The following MCM5 variants were observed in gnomAD, a reference collection of about 807,000 sequenced individuals.
The protein encoded by MCM5 is DNA replication licensing factor MCM5.
A neutral mutation model predicts 79.9 loss-of-function variants in MCM5; 46 were observed. The observed-to-expected ratio is 0.58, with a 90% confidence interval of 0.45 to 0.74. MCM5 has a LOEUF of 0.74. Among genes scored for constraint, MCM5 ranks in the 30% least tolerant of loss-of-function variants. The probability of loss-of-function intolerance (pLI) is 0.00; values close to 1 mark genes in which losing one functional copy is unlikely to be tolerated. For synonymous variants in MCM5, 404 were observed against 390.5 expected (o/e 1.03, Z -0.41); for missense variants, 883 against 1,017.0 (o/e 0.87, Z 1.79).
the MCM5 span, among the ~76,000 whole-genome samples, chr22:35,436,821 G>A: frequency 1.4e-4 from 21 of 151,258 alleles, no homozygotes; most frequent in African/African-American, 5.1e-4. Flanking sequence ...GGCTGGCAAA[G>A]TGCCCTTGGG....
Position 35,416,435 on chromosome 22 carries a change from G to A in MCM5, c.1413+31G>A, listed in dbSNP as rs568507686. ...TGGCCCTCCATGGAGAGCCCAGCCTGCAGCAGCCCAGCGTGGCCCAACCGT... is the reference window on the plus strand; with the variant it reads ...TGGCCCTCCATGGAGAGCCCAGCCTACAGCAGCCCAGCGTGGCCCAACCGT... On this transcript the variant is annotated intron_variant, in intron 11 of 16. Transcript: ENST00000216122. The A allele has an allele frequency of 9.8e-5, 157 of 1,607,778 alleles. 1 individual carries two copies. In the South Asian group the frequency reaches 1.5e-3, roughly 16 times the overall value.
At chr22:35,410,674 G>A (rs1932354813) in intron 6 of MCM5, 70 bp from the exon 7 acceptor site, 1 of 1,473,408 alleles carries the variant, frequency 6.8e-7, no homozygotes, top group Non-Finnish European at 9.5e-7. Context: ...CTGGGCATGG[G>A]TGGAATCAGA....
chr22:35,451,383 C>G, the MCM5 span, among the ~76,000 whole-genome samples: 373 of 152,374 alleles, frequency 2.4e-3, 8 homozygotes, highest in African/African-American at 8.7e-3. Flanking sequence ...GCGAAGAGAT[C>G]GGCCCCCTTG....
At chr22:35,405,176 C>T (rs990595434) in intron 4 of MCM5, among the ~76,000 whole-genome samples, 8 of 152,072 alleles carry the variant, frequency 5.3e-5, no homozygotes, top group African/African-American at 1.7e-4. Context: ...CAGGCACACA[C>T]CACCACGCCC....
At chr22:35,447,529 G>A in the MCM5 span, among the ~76,000 whole-genome samples, 2 of 152,148 alleles carry the variant, frequency 1.3e-5, no homozygotes, top group Admixed American at 1.3e-4. Flanking sequence ...CTGGAGTGCA[G>A]TGGCACGATC....
the MCM5 span, among the ~76,000 whole-genome samples, chr22:35,447,697 C>A: frequency 6.6e-6 from 1 of 152,124 alleles, no homozygotes; most frequent in Non-Finnish European, 1.5e-5. Flanking sequence ...GGACTCCTGA[C>A]CTCAAGTGAT....
chr22:35,419,435 C>T (rs931127255), intron 13 of MCM5, among the ~76,000 whole-genome samples: 5 of 152,206 alleles, frequency 3.3e-5, no homozygotes, highest in African/African-American at 9.7e-5. Context: ...GCCAAGCCTC[C>T]TGTGGGTGTC....
At chr22:35,449,395 G>GAGTA in the MCM5 span, among the ~76,000 whole-genome samples, 2 of 152,168 alleles carry the variant, frequency 1.3e-5, no homozygotes, top group African/African-American at 4.8e-5. Flanking sequence ...CCCAGCTATG[G>GAGTA]CCTCTCTGTC....
chr22:35,416,546 T>TAAAC, intron 11 of MCM5, 92 bp from the exon 12 acceptor site: 5 of 825,260 alleles, frequency 6.1e-6, no homozygotes, highest in Admixed American at 4.0e-5. Flanking sequence ...TGTGTGTGTG[T>TAAAC]GTGTGTGTGT....
At chr22:35,452,864 CG>C in the MCM5 span, among the ~76,000 whole-genome samples, 1 of 152,092 alleles carries the variant, frequency 6.6e-6, no homozygotes, top group Admixed American at 6.5e-5. Flanking sequence ...CTGTGTGTCC[CG>C]TCCGCCTTGC....
At chr22:35,429,188 G>A (rs998994012), downstream of MCM5, among the ~76,000 whole-genome samples, 1 of 151,838 alleles carries the variant, frequency 6.6e-6, no homozygotes, top group African/African-American at 2.4e-5. Context: ...ATTTCACCAT[G>A]TTGGCCAGGC....
chr22:35,428,129 T>C (rs1445421436), downstream of MCM5, among the ~76,000 whole-genome samples: 1 of 151,040 alleles, frequency 6.6e-6, no homozygotes, highest in Non-Finnish European at 1.5e-5. Flanking sequence ...CAAGCGATTC[T>C]CCTGCCTCAG....
chr22:35,415,893 C>A lies in MCM5; in HGVS notation c.1268C>A (p.Ser423Ter), dbSNP rs749144806. Residue 423 changes from serine (S) to a stop codon, truncating the protein, a stop_gained, in exon 10 of 17, where the codon TCG (serine) becomes TAG (stop). Coordinates refer to ENST00000216122, the MANE Select transcript of MCM5 (RefSeq NM_006739.4). LOFTEE classifies it high-confidence loss of function. ...GLTASVMRDP[S>*]SRNFIMEGGA... ...ACAGCCTCGGTGATGAGGGACCCTT[C>A]GTCCCGGAATTTCATCATGGAGGGC... is the stretch of plus-strand genomic sequence containing the variant. The A allele has an allele frequency of 6.2e-7, 1 of 1,614,022 alleles. No homozygotes were observed. Among genetic ancestry groups the A allele is most frequent in the African/African-American group, 1.3e-5 (1 of 74,912 alleles).
chr22:35,439,463 CCACT>C, the MCM5 span, among the ~76,000 whole-genome samples: 6 of 8,828 alleles, frequency 6.8e-4, no homozygotes, highest in African/African-American at 2.9e-3. Flanking sequence ...ACCCATCCAT[CCACT>C]CACCCACATA....
intron 8 of MCM5, among the ~76,000 whole-genome samples, 163 bp downstream of exon 8, chr22:35,412,844 A>G (rs1464803075): frequency 6.6e-6 from 1 of 152,158 alleles, no homozygotes; most frequent in African/African-American, 2.4e-5. Context: ...TCAGCTGGCT[A>G]GTGGCTGATC....
intron 4 of MCM5, among the ~76,000 whole-genome samples, chr22:35,404,755 T>G (rs1212038054): frequency 1.3e-5 from 2 of 152,166 alleles, no homozygotes; most frequent in Non-Finnish European, 2.9e-5. Context: ...CAGCAAAACT[T>G]CTGCTCATGT....
chr22:35,407,096 T>G (rs556281533), intron 5 of MCM5, among the ~76,000 whole-genome samples: 6 of 152,066 alleles, frequency 3.9e-5, no homozygotes, highest in Non-Finnish European at 1.5e-5. Flanking sequence ...GTTCGTTCAT[T>G]TAAGTATTGC....
chr22:35,415,106 C>A (rs1385082607), intron 9 of MCM5, among the ~76,000 whole-genome samples: 1 of 152,064 alleles, frequency 6.6e-6, no homozygotes, highest in Non-Finnish European at 1.5e-5. Context: ...TACCTGTAGT[C>A]CCAGCTACTT....
chr22:35,400,740 G>A, intron 2 of MCM5, 135 bp downstream of exon 2: 1 of 888,536 alleles, frequency 1.1e-6, no homozygotes, highest in Non-Finnish European at 1.7e-6. Flanking sequence ...GGGTCACAGG[G>A]CTCATCCCGG....
Sources: gnomAD v4.1 joint callset for allele counts (sites outside exome capture counted in the v4.1 genomes callset) on GRCh38, gnomAD v4.1.1 for gene constraint, MANE v1.5 for transcripts, NCBI Gene and HGNC (gene_info 2026-07-23, HGNC 2026-07-21) for gene names.